Variants in MINDY4B observed in about 807,000 individuals in gnomAD.
MINDY4B encodes the protein inactive ubiquitin carboxyl-terminal hydrolase MINDY-4B.
Under a neutral mutation model 16.7 loss-of-function variants are expected in MINDY4B, and 25 were observed. The ratio of observed to expected loss-of-function variants is 1.49; its 90% CI spans 1.09 to 2.09. The LOEUF is 2.09. Among genes scored for constraint, MINDY4B ranks in the 30% most tolerant of loss-of-function variants. The probability of loss-of-function intolerance (pLI) is 0.00; values close to 1 mark genes in which losing one functional copy is unlikely to be tolerated. For synonymous variants in MINDY4B, 132 were observed against 61.9 expected (o/e 2.13, Z -5.32); for missense variants, 327 against 168.4 (o/e 1.94, Z -5.21).
chr3:150,874,455 G>A (rs1717045286), intron 10 of MINDY4B, among the ~76,000 whole-genome samples: 1 of 152,182 alleles, frequency 6.6e-6, no homozygotes, highest in Non-Finnish European at 1.5e-5. Flanking sequence ...CACAGGCAGG[G>A]AAGCACATAT....
At chr3:150,876,041 G>A (rs916926823) in intron 10 of MINDY4B, among the ~76,000 whole-genome samples, 30 of 152,154 alleles carry the variant, frequency 2.0e-4, no homozygotes, top group African/African-American at 7.0e-4. Flanking sequence ...TGTTTTATTG[G>A]TGAGATTCCA....
Position 150,890,952 on chromosome 3 carries a change from T to C in MINDY4B, c.673A>G (p.Asn225Asp), listed in dbSNP as rs1461823539. Residue 225 changes from asparagine (N) to aspartate (D), a missense_variant, in exon 6 of 12, where the codon AAT (asparagine) becomes GAT (aspartate). Transcript: ENST00000465419. ...ACTGCACTTACTCGCTCAGTGAAAT[T>C]GTCCACAGAGTAGTCCGGAGTCGAC... Reference protein sequence around the residue: ...VASTPDYSVDNFTERLQLFEF... With the variant: ...VASTPDYSVDDFTERLQLFEF... 1.4e-6 allele frequency: 1 copy of C among 702,598 alleles called. No homozygotes were observed. Among genetic ancestry groups the C allele is most frequent in the Non-Finnish European group, 2.6e-6 (1 of 384,752 alleles). The allele number at this position is 702,598 out of a possible 1,614,324, so 43.5% of individuals were successfully genotyped here. A position where few individuals can be genotyped will look rare whatever the true frequency, so the allele number is the denominator to read the frequency against.
intron 3 of MINDY4B, among the ~76,000 whole-genome samples, chr3:150,895,143 T>C (rs7619908): frequency 0.14 from 20,659 of 152,202 alleles, 4,631 homozygotes; most frequent in African/African-American, 0.47. Flanking sequence ...TTTATGCAGT[T>C]GGTGCTATTA....
At chr3:150,882,604 C>T (rs1576610896) in intron 10 of MINDY4B, among the ~76,000 whole-genome samples, 2 of 149,644 alleles carry the variant, frequency 1.3e-5, no homozygotes, top group South Asian at 2.1e-4. Context: ...TTGTCAACCT[C>T]ATTAAACAGG....
chr3:150,904,868 A>G (rs1370746217), intron 2 of MINDY4B, among the ~76,000 whole-genome samples, 194 bp downstream of exon 2: 1 of 152,242 alleles, frequency 6.6e-6, no homozygotes, highest in Admixed American at 6.5e-5. Flanking sequence ...AGCTCTTAGA[A>G]GTAGAAAGAG....
Position 150,870,949 on chromosome 3 carries a change from A to T in MINDY4B, c.*96T>A. 6 of 611,456 alleles carry T rather than the reference A, an allele frequency of 9.8e-6. No individual in the cohort carries two copies. Among genetic ancestry groups the T allele is most frequent in the South Asian group, 9.7e-5 (5 of 51,440 alleles). 37.9% of individuals were successfully genotyped at this position (611,456 alleles called of 1,614,324 possible). A position where few individuals can be genotyped will look rare whatever the true frequency, so the allele number is the denominator to read the frequency against. On this transcript the variant is annotated 3_prime_UTR_variant, in exon 12 of 12. Transcript: ENST00000465419. Reference sequence around the variant, plus strand: ...ATATATTTTTTGGTGGGGCTTGTGAATGAGAAATATGGAAACGATTGGTCT... The same window carrying T: ...ATATATTTTTTGGTGGGGCTTGTGATTGAGAAATATGGAAACGATTGGTCT...
chr3:150,883,606 T>A (rs970005399), intron 9 of MINDY4B, 94 bp downstream of exon 9: 33 of 658,506 alleles, frequency 5.0e-5, no homozygotes, highest in Middle Eastern at 4.9e-4. Flanking sequence ...AATCCAAAAT[T>A]CAGATTGCTT....
intron 6 of MINDY4B, chr3:150,890,652 G>T: frequency 2.0e-6 from 1 of 490,714 alleles, no homozygotes; most frequent in African/African-American, 1.9e-5. Context: ...CCTAATAGGT[G>T]AAATTTAGCT....
At chr3:150,902,138 G>T (rs188200266) in intron 3 of MINDY4B, among the ~76,000 whole-genome samples, 4 of 152,258 alleles carry the variant, frequency 2.6e-5, no homozygotes, top group African/African-American at 9.6e-5. Flanking sequence ...CTCTCAGCTG[G>T]GATCTTGTGT....
chr3:150,885,533 A>AT (rs922699208), intron 7 of MINDY4B, 95 bp from the exon 8 acceptor site: 4 of 669,824 alleles, frequency 6.0e-6, no homozygotes, highest in African/African-American at 3.6e-5. Flanking sequence ...GGCTGAGAGA[A>AT]TTTTTTCCCC....
intron 3 of MINDY4B, among the ~76,000 whole-genome samples, chr3:150,897,957 C>T (rs1182748277): frequency 1.3e-5 from 2 of 152,222 alleles, no homozygotes; most frequent in African/African-American, 2.4e-5. Flanking sequence ...CACAGAAAGA[C>T]TGCTCCCAAC....
intron 3 of MINDY4B, among the ~76,000 whole-genome samples, chr3:150,902,185 G>C (rs1559969897): frequency 6.6e-6 from 1 of 152,176 alleles, no homozygotes; most frequent in East Asian, 1.9e-4. Context: ...GTACATGGCA[G>C]GCCTGACTGC....
intron 10 of MINDY4B, among the ~76,000 whole-genome samples, chr3:150,879,467 T>C (rs922761717): frequency 1.1e-4 from 17 of 152,180 alleles, no homozygotes; most frequent in African/African-American, 3.6e-4. Context: ...GGTTGAGAAG[T>C]CCTGCTCTGG....
At chr3:150,888,379 C>T (rs1239022949) in intron 7 of MINDY4B, among the ~76,000 whole-genome samples, 1 of 152,112 alleles carries the variant, frequency 6.6e-6, no homozygotes, top group Non-Finnish European at 1.5e-5. Flanking sequence ...TCAATAAGAT[C>T]CATATTCACA....
At chr3:150,877,210 TG>T (rs1210318733) in intron 10 of MINDY4B, among the ~76,000 whole-genome samples, 1 of 152,320 alleles carries the variant, frequency 6.6e-6, no homozygotes, top group East Asian at 1.9e-4. Flanking sequence ...AGAATCTACC[TG>T]TCAGGCAGCA....
chr3:150,889,717 A>T (rs1453408823), intron 7 of MINDY4B, among the ~76,000 whole-genome samples: 1 of 152,156 alleles, frequency 6.6e-6, no homozygotes, highest in East Asian at 1.9e-4. Flanking sequence ...CTCTGCTTTC[A>T]CATTGTAGGT....
Position 150,875,637 on chromosome 3 carries a change from TTTG to T in MINDY4B, c.1060-2273_1060-2271del, listed in dbSNP as rs534271840. Among the ~76,000 whole-genome samples, 100 of 152,298 alleles carry T rather than the reference TTTG, an allele frequency of 6.6e-4. 1 individual carries two copies. The highest frequency in any genetic ancestry group is 2.3e-3 in the African/African-American group (97 of 41,568). ...TCCTGAGCTCAAAGCTACTCAAGAT[TTTG>T]TTCTAGTAGGAAGAAAATGAAGTAG... On this transcript the variant is annotated intron_variant, in intron 10 of 11. Coordinates refer to ENST00000465419, the MANE Select transcript of MINDY4B (RefSeq NM_001351281.2).
At chr3:150,902,635 C>T (rs571247356) in intron 3 of MINDY4B, among the ~76,000 whole-genome samples, 1 of 152,358 alleles carries the variant, frequency 6.6e-6, no homozygotes, top group African/African-American at 2.4e-5. Flanking sequence ...TGCCTCCTGG[C>T]TGGATCTCTG....
In MINDY4B at chr3:150,897,321, C is replaced by CTGTGTGTGTG. The variant is rs3062408; in HGVS notation, c.310-3026_310-3017dup. ...GAGTAAGTGTTCAATGTGACTGGAA[C>CTGTGTGTGTG]TGTGTGTGTGTGTGTGTGTGTGTGT... On this transcript the variant is annotated intron_variant, in intron 3 of 11. Coordinates refer to ENST00000465419, the MANE Select transcript of MINDY4B (RefSeq NM_001351281.2). Among the ~76,000 whole-genome samples, 605 of 130,590 alleles carry CTGTGTGTGTG rather than the reference C, an allele frequency of 4.6e-3. 5 individuals carry two copies. The highest frequency in any genetic ancestry group is 0.014 in the African/African-American group (486 of 34,432). 85.7% of individuals were successfully genotyped at this position (130,590 alleles called of 152,430 possible). A position where few individuals can be genotyped will look rare whatever the true frequency, so the allele number is the denominator to read the frequency against.
Sources: gnomAD v4.1 joint callset for allele counts (sites outside exome capture counted in the v4.1 genomes callset) on GRCh38, gnomAD v4.1.1 for gene constraint, MANE v1.5 for transcripts, NCBI Gene and HGNC (gene_info 2026-07-23, HGNC 2026-07-21) for gene names.